NOTCH4: variants seen among roughly 807,000 people sequenced by gnomAD.
The protein encoded by NOTCH4 is notch receptor 4, also known as neurogenic locus notch homolog protein 4.
NOTCH4 carries 138 observed loss-of-function variants against 189.0 expected under a neutral mutation model. The ratio of observed to expected loss-of-function variants is 0.73; its 90% confidence interval spans 0.64 to 0.84. The LOEUF (loss-of-function observed/expected upper bound fraction) is 0.84. Among genes scored for constraint, NOTCH4 ranks in the 40% least tolerant of loss-of-function variants. The probability of loss-of-function intolerance (pLI) is 0.00; values close to 1 mark genes in which losing one functional copy is unlikely to be tolerated. For synonymous variants in NOTCH4, 942 were observed against 1,032.8 expected (o/e 0.91, Z 1.69); for missense variants, 2,286 against 2,605.4 (o/e 0.88, Z 2.67).
intron 18 of NOTCH4, among the ~76,000 whole-genome samples, chr6:32,206,936 CTTT>C (rs70990300): frequency 7.0e-6 from 1 of 143,326 alleles, no homozygotes. Context: ...CTTTTCTTTC[CTTT>C]TTTTTTTTTT....
chr6:32,212,945 A>G lies in NOTCH4; in HGVS notation c.2439-34T>C. ...GACAGAGACAGGGCATGATAGGAAG[A>G]AGTTCGGGCAACAAGGGGAAGGTAG... is the stretch of plus-strand genomic sequence containing the variant. On this transcript the variant is annotated intron_variant, in intron 15 of 29. Coordinates refer to ENST00000375023, the MANE Select transcript of NOTCH4 (RefSeq NM_004557.4). The surrounding 1 kb of genome is among the most constrained non-coding windows in gnomAD (Gnocchi z 4.4). 1 of 1,537,392 alleles carries G rather than the reference A, an allele frequency of 6.5e-7. No individual in the cohort carries two copies. Among genetic ancestry groups the G allele is most frequent in the Non-Finnish European group, 8.8e-7 (1 of 1,130,716 alleles).
Position 32,218,864 on chromosome 6 carries a change from C to T in NOTCH4, c.1510+728G>A, listed in dbSNP as rs61365987. 2.3e-3 allele frequency among the ~76,000 whole-genome samples: 353 copies of T among 152,274 alleles called. 15 individuals carry two copies. The East Asian group carries it at 0.061, about 26-fold the overall frequency. On this transcript the variant is annotated intron_variant, in intron 8 of 29. Coordinates refer to ENST00000375023, the MANE Select transcript of NOTCH4 (RefSeq NM_004557.4). ...GTTTGAATCTCAGCTCTGCCACTTG[C>T]TAGCTGGGTGACCTTGGACAAGTCA...
chr6:32,197,397 G>A lies in NOTCH4; in HGVS notation c.4954C>T (p.Arg1652Cys), dbSNP rs757846509. 2 of 1,540,694 alleles carry A rather than the reference G, an allele frequency of 1.3e-6. No individual in the cohort carries two copies. Among genetic ancestry groups the A allele is most frequent in the Non-Finnish European group, 1.7e-6 (2 of 1,143,518 alleles). The change falls in exon 27 of 30, where the codon CGC (arginine) becomes TGC (cysteine). Residue 1652 changes from arginine (R) to cysteine (C), a missense_variant. Transcript: ENST00000375023. ...ARFSRPTAAR[R>C]LLEAGANPNQ... is the part of the protein sequence containing the mutation. ...GGGTTGGCTCCAGCCTCAAGGAGGC[G>A]GCGGGCAGCGGTTGGCCGGGAGAAT...
chr6:32,214,927 C>T (rs894482240), intron 12 of NOTCH4, among the ~76,000 whole-genome samples: 1 of 152,190 alleles, frequency 6.6e-6, no homozygotes, highest in Non-Finnish European at 1.5e-5. Context: ...ATCAGCACTG[C>T]GCCTGGCCTC....
rs9281670 is a variant in NOTCH4 at position 32,200,215 on chromosome 6, CT to C, written c.4315+615del. On this transcript the variant is annotated intron_variant, in intron 23 of 29. Coordinates refer to ENST00000375023, the MANE Select transcript of NOTCH4 (RefSeq NM_004557.4). This position sits in a 1 kb window ranked among gnomAD's most constrained non-coding sequence, Gnocchi z 5.0. The stretch of plus-strand genomic sequence containing the variant: ...AAAGTACGATATAGCAGTTATTTTT[CT>C]TTTTTTTTTTTTGAGATGGAGTCTC... Among the ~76,000 whole-genome samples, 128 of 144,244 alleles carry C rather than the reference CT, an allele frequency of 8.9e-4. No individual in the cohort carries two copies. Among genetic ancestry groups the C allele is most frequent in the Admixed American group, 9.7e-4 (14 of 14,450 alleles). The allele number at this position is 144,244 out of a possible 152,430, so 94.6% of individuals were successfully genotyped here.
chr6:32,195,168 A>C lies in NOTCH4; in HGVS notation c.*269T>G. ...CAATTCTTGGTTCCAACTTAGGGGTATTTCCACTCCACTCTGCCCTCCTGT... is the reference window on the plus strand; with the variant it reads ...CAATTCTTGGTTCCAACTTAGGGGTCTTTCCACTCCACTCTGCCCTCCTGT... On this transcript the variant is annotated 3_prime_UTR_variant, in exon 30 of 30. Coordinates refer to ENST00000375023, the MANE Select transcript of NOTCH4 (RefSeq NM_004557.4). This position sits in a 1 kb window ranked among gnomAD's most constrained non-coding sequence, Gnocchi z 5.4. The C allele has an allele frequency of 2.1e-6, 1 of 469,588 alleles. No individual in the cohort carries two copies. The highest frequency in any genetic ancestry group is 3.7e-6 in the Non-Finnish European group (1 of 267,292). The allele number at this position is 469,588 out of a possible 1,614,324, so 29.1% of individuals were successfully genotyped here. A position where few individuals can be genotyped will look rare whatever the true frequency, so the allele number is the denominator to read the frequency against.
At position 32,195,919 on chromosome 6, in the gene NOTCH4, G is replaced by T. The variant is rs372404251; in HGVS notation, c.5530C>A (p.Arg1844=). 1,021 of 1,586,320 alleles carry T rather than the reference G, an allele frequency of 6.4e-4. 3 individuals carry two copies. The highest frequency in any genetic ancestry group is 7.2e-4 in the Non-Finnish European group (840 of 1,173,766). ...GGGGGCACGCTTACTGACACCGTCC[G>T]TGCGCGCGGGAAGGGCCCAGCCTCG... is the stretch of plus-strand genomic sequence containing the variant. ...GREAGPFPRA[R]TVSVSVPPHG... Residue 1844 remains arginine (R), a synonymous_variant, in exon 30 of 30, where the codon CGG becomes AGG. Coordinates refer to ENST00000375023, the MANE Select transcript of NOTCH4 (RefSeq NM_004557.4). This position sits in a 1 kb window ranked among gnomAD's most constrained non-coding sequence, Gnocchi z 5.4.
At chr6:32,222,258 A>C (rs542475454) in intron 3 of NOTCH4, among the ~76,000 whole-genome samples, 4 of 152,238 alleles carry the variant, frequency 2.6e-5, no homozygotes, top group African/African-American at 9.6e-5. Context: ...TAGAACAGGC[A>C]TCAGGATGGT....
chr6:32,210,215 G>T lies in NOTCH4; in HGVS notation c.2865+537C>A, dbSNP rs1044250965. Reference sequence around the variant, plus strand: ...AGTGTCAATAGCAGGGATAAAGGCTGAGAGGCAAGAATCAGTATGGGGTAC... The same window carrying T: ...AGTGTCAATAGCAGGGATAAAGGCTTAGAGGCAAGAATCAGTATGGGGTAC... On this transcript the variant is annotated intron_variant, in intron 18 of 29. Coordinates refer to ENST00000375023, the MANE Select transcript of NOTCH4 (RefSeq NM_004557.4). This position sits in a 1 kb window ranked among gnomAD's most constrained non-coding sequence, Gnocchi z 4.8. Among the ~76,000 whole-genome samples, 1 of 152,194 alleles carries T rather than the reference G, an allele frequency of 6.6e-6. No individual in the cohort carries two copies. The highest frequency in any genetic ancestry group is 2.4e-5 in the African/African-American group (1 of 41,438).
chr6:32,221,800 A>G lies in NOTCH4; in HGVS notation c.452-475T>C, dbSNP rs1458698700. On this transcript the variant is annotated intron_variant, in intron 3 of 29. Transcript: ENST00000375023. This position sits in a 1 kb window ranked among gnomAD's most constrained non-coding sequence, Gnocchi z 4.3. ...TAATGGCGGCAGCAGTGGAGGTGCC[A>G]GGTGCTGAGCTGAGCAAGCATCTCC... Among the ~76,000 whole-genome samples the G allele has an allele frequency of 6.6e-6, 1 of 152,180 alleles. No individual in the cohort carries two copies. The highest frequency in any genetic ancestry group is 1.5e-5 in the Non-Finnish European group (1 of 68,034).
At chr6:32,196,523 G>A in intron 28 of NOTCH4, 102 bp from the exon 29 acceptor site, 1 of 1,438,146 alleles carries the variant, frequency 7.0e-7, no homozygotes, top group South Asian at 1.3e-5. Flanking sequence ...ATTCGGGCCG[G>A]CTGGTCCCTC....
At chr6:32,203,554 G>A (rs773925460) in intron 20 of NOTCH4, 4 of 537,032 alleles carry the variant, frequency 7.4e-6, no homozygotes, top group South Asian at 2.9e-5. Context: ...CTTAGGCAAC[G>A]CCTGTGATTT....
chr6:32,223,739 G>A lies in NOTCH4; in HGVS notation c.73+117C>T, dbSNP rs1789944619. On this transcript the variant is annotated intron_variant, in intron 1 of 29. Coordinates refer to ENST00000375023, the MANE Select transcript of NOTCH4 (RefSeq NM_004557.4). ...GAGGCCGTCTCTATTTGGGCAGTGA[G>A]AATCTCCTCCATCCAGCATCCCTCA... 11 of 1,055,056 alleles carry A rather than the reference G, an allele frequency of 1.0e-5. No individual in the cohort carries two copies. The South Asian group carries it at 1.7e-4, about 16-fold the overall frequency. 65.4% of individuals were successfully genotyped at this position (1,055,056 alleles called of 1,614,324 possible).
At chr6:32,211,287 C>CAA (rs774179408) in intron 17 of NOTCH4, among the ~76,000 whole-genome samples, 1 of 144,952 alleles carries the variant, frequency 6.9e-6, no homozygotes, top group Non-Finnish European at 1.5e-5. Flanking sequence ...AACAAACAAA[C>CAA]AGAAACGGTA....
chr6:32,202,281 C>T lies in NOTCH4; in HGVS notation c.3550G>A (p.Asp1184Asn). The T allele has an allele frequency of 6.3e-7, 1 of 1,599,366 alleles. No homozygotes were observed. Residue 1184 changes from aspartate (D) to asparagine (N), a missense_variant, in exon 21 of 30, where the codon GAT (aspartate) becomes AAT (asparagine). By Grantham distance (23) the Asp-to-Asn change is conservative. Transcript: ENST00000375023. This position sits in a 1 kb window ranked among gnomAD's most constrained non-coding sequence, Gnocchi z 5.7. Reference protein sequence around the residue: ...GAKGCEGRSGDGACDAGCSGP... With the variant: ...GAKGCEGRSGNGACDAGCSGP... ...CTGCAGCCAGCATCGCAGGCCCCATCTCCACTTCTGCCCTCACACCCCTTG... is the reference window on the plus strand; with the variant it reads ...CTGCAGCCAGCATCGCAGGCCCCATTTCCACTTCTGCCCTCACACCCCTTG...
intron 27 of NOTCH4, 82 bp from the exon 28 acceptor site, chr6:32,197,154 A>G (rs1286860846): frequency 3.9e-6 from 6 of 1,547,904 alleles, no homozygotes; most frequent in South Asian, 1.2e-5. Context: ...CCCACTCGCA[A>G]TCCATATTCA....
In NOTCH4 at chr6:32,202,405, G is replaced by A. The variant is rs181904864; in HGVS notation, c.3426C>T (p.Tyr1142=). The A allele has an allele frequency of 3.5e-5, 57 of 1,612,546 alleles. No homozygotes were observed. The East Asian group carries it at 1.1e-3, about 30-fold the overall frequency. ...KGCGPPSPCL[Y]NGSCSETTGL... ...CCGTGGTCTCTGAGCAGCTGCCATT[G>A]TATAGGCATGGGGAGGGAGGGCCAC... Residue 1142 remains tyrosine (Y), a synonymous_variant, in exon 21 of 30, where the codon TAC becomes TAT. Transcript: ENST00000375023. This position sits in a 1 kb window ranked among gnomAD's most constrained non-coding sequence, Gnocchi z 5.7.
chr6:32,196,122 C>T lies in NOTCH4; in HGVS notation c.5327G>A (p.Arg1776Gln), dbSNP rs964712324. The T allele has an allele frequency of 1.3e-6, 2 of 1,589,498 alleles. No homozygotes were observed. Among genetic ancestry groups the T allele is most frequent in the African/African-American group, 2.7e-5 (2 of 74,696 alleles). The change falls in exon 30 of 30, where the codon CGG becomes CAG. Residue 1776 changes from arginine (R) to glutamine (Q), a missense_variant. By Grantham distance (43) the Arg-to-Gln change is conservative. Transcript: ENST00000375023. ...CTGGGCTACTTCCACCGCTCCTTCC[C>T]GCGCCGCCAGGAATAGCGGCGTCTG... is the stretch of plus-strand genomic sequence containing the variant. ...REQTPLFLAA[R>Q]EGAVEVAQLL...
At position 32,221,081 on chromosome 6, in the gene NOTCH4, C is replaced by T. The variant is rs1789743074; in HGVS notation, c.696G>A (p.Glu232=). The T allele has an allele frequency of 6.2e-7, 1 of 1,613,026 alleles. No individual in the cohort carries two copies. Among genetic ancestry groups the T allele is most frequent in the Admixed American group, 1.7e-5 (1 of 60,002 alleles). The change falls in exon 4 of 30, where the codon GAG becomes GAA. Residue 232 remains glutamate, a synonymous_variant. Transcript: ENST00000375023. The surrounding 1 kb of genome is among the most constrained non-coding windows in gnomAD (Gnocchi z 4.3). ...CPVGQEGPRC[E]LRAGPCPPRG... ...TAGGAGGGCAGGGTCCTGCCCGCAG[C>T]TCACAACGTGGACCCTCCTGCCCCA...
Sources: gnomAD v4.1 joint callset for allele counts (sites outside exome capture counted in the v4.1 genomes callset) on GRCh38, gnomAD v4.1.1 for gene constraint, Gnocchi (gnomAD v3.1) non-coding constraint, MANE v1.5 for transcripts, NCBI Gene and HGNC (gene_info 2026-07-23, HGNC 2026-07-21) for gene names.